Variants in CTNND2 observed in about 807,000 individuals in gnomAD.
The protein encoded by CTNND2 is catenin delta-2.
Under a neutral mutation model 144.4 loss-of-function variants are expected in CTNND2, and 22 were observed. The ratio of observed to expected loss-of-function variants is 0.15; its 90% confidence interval spans 0.11 to 0.22. CTNND2 has a LOEUF of 0.22. CTNND2 is among the 10% of genes least tolerant of loss of function. The pLI, the probability that CTNND2 is intolerant of heterozygous loss-of-function variation, is 1.00. For synonymous variants in CTNND2, 751 were observed against 695.6 expected (o/e 1.08, Z -1.25); for missense variants, 1,353 against 1,618.8 (o/e 0.84, Z 2.82).
intron 1 of CTNND2, among the ~76,000 whole-genome samples, chr5:11,834,101 G>A (rs1056096183): frequency 6.6e-6 from 1 of 152,088 alleles, no homozygotes; most frequent in African/African-American, 2.4e-5. Context: ...GTAGATTGTA[G>A]TAAAGTGCTA....
chr5:11,546,158 T>C (rs1455801348), intron 3 of CTNND2, among the ~76,000 whole-genome samples: 1 of 152,152 alleles, frequency 6.6e-6, no homozygotes, highest in East Asian at 1.9e-4. Flanking sequence ...TGGGGTTTCT[T>C]TTGGTGTGAT....
intron 12 of CTNND2, among the ~76,000 whole-genome samples, chr5:11,120,229 A>G (rs1753948370): frequency 6.6e-6 from 1 of 152,250 alleles, no homozygotes; most frequent in South Asian, 2.1e-4. Flanking sequence ...CACCTATGAT[A>G]TAGACTTCAA....
Position 11,783,321 on chromosome 5 carries a change from G to A in CTNND2, c.38-51049C>T, listed in dbSNP as rs908659550. Among the ~76,000 whole-genome samples the A allele has an allele frequency of 2.0e-5, 3 of 152,022 alleles. No individual in the cohort carries two copies. In the South Asian group the frequency reaches 6.2e-4, roughly 32 times the overall value. On this transcript the variant is annotated intron_variant, in intron 1 of 21. Transcript: ENST00000304623. ...TATGCACTATTATTTCATCTTGACA[G>A]CTCTCCCCATTTGCTACCTGCAATT...
intron 12 of CTNND2, among the ~76,000 whole-genome samples, chr5:11,158,472 C>T (rs773829447): frequency 6.6e-6 from 1 of 152,120 alleles, no homozygotes; most frequent in African/African-American, 2.4e-5. Context: ...GTGACTCAGA[C>T]GAAAAGCAGA....
chr5:11,301,744 T>C (rs893501397), intron 9 of CTNND2, among the ~76,000 whole-genome samples: 1 of 152,262 alleles, frequency 6.6e-6, no homozygotes, highest in Admixed American at 6.5e-5. Context: ...CATACATTTT[T>C]ATACTAAAGT....
rs1745272139 is a variant in CTNND2 at position 11,264,775 on chromosome 5, C to CA, written c.1629-27953dup. Among the ~76,000 whole-genome samples, 5 of 152,140 alleles carry CA rather than the reference C, an allele frequency of 3.3e-5. No homozygotes were observed. In the South Asian group the frequency reaches 1.0e-3, roughly 32 times the overall value. ...GGAAACCCTGTCTGTACTAAAAATA[C>CA]AAAAAATTAGCCAGGCATGATGGAG... On this transcript the variant is annotated intron_variant, in intron 9 of 21. Coordinates refer to ENST00000304623, the MANE Select transcript of CTNND2 (RefSeq NM_001332.4).
At chr5:11,417,264 G>C (rs1762006717) in intron 3 of CTNND2, among the ~76,000 whole-genome samples, 1 of 152,156 alleles carries the variant, frequency 6.6e-6, no homozygotes, top group South Asian at 2.1e-4. Context: ...TGGTTTTCTG[G>C]TTCCAGAGTC....
At chr5:11,167,899 T>G in intron 11 of CTNND2, among the ~76,000 whole-genome samples, 1 of 147,272 alleles carries the variant, frequency 6.8e-6, no homozygotes. Context: ...AGAGACAAGG[T>G]CTTACTATGT....
intron 1 of CTNND2, among the ~76,000 whole-genome samples, chr5:11,765,708 G>C (rs940810257): frequency 6.6e-6 from 1 of 152,116 alleles, no homozygotes; most frequent in Non-Finnish European, 1.5e-5. Flanking sequence ...GAGATGTAGA[G>C]GAGGGGATAA....
At chr5:11,375,758 T>C (rs1405848141) in intron 7 of CTNND2, among the ~76,000 whole-genome samples, 1 of 152,176 alleles carries the variant, frequency 6.6e-6, no homozygotes, top group African/African-American at 2.4e-5. Flanking sequence ...CTAGTGATGT[T>C]AGTGATGCTT....
chr5:11,428,956 T>C (rs1208166485), intron 3 of CTNND2, among the ~76,000 whole-genome samples: 3 of 152,186 alleles, frequency 2.0e-5, no homozygotes, highest in African/African-American at 7.2e-5. Flanking sequence ...GGCAAATCCT[T>C]TTATGAAAAC....
At chr5:11,572,575 T>C (rs1023336729) in intron 2 of CTNND2, among the ~76,000 whole-genome samples, 2 of 152,128 alleles carry the variant, frequency 1.3e-5, no homozygotes, top group African/African-American at 2.4e-5. Flanking sequence ...ATCCTCCTGA[T>C]ACATCCCTCT....
intron 6 of CTNND2, among the ~76,000 whole-genome samples, chr5:11,391,523 A>ATGAAT (rs1759627446): frequency 6.6e-6 from 1 of 152,232 alleles, no homozygotes; most frequent in South Asian, 2.1e-4. Flanking sequence ...CTGGGATGTA[A>ATGAAT]TGAATTTGCT....
In CTNND2 at chr5:11,599,938, CG is replaced by C. The variant is rs1334115668; in HGVS notation, c.175-34883del. 2.6e-5 allele frequency among the ~76,000 whole-genome samples: 4 copies of C among 152,190 alleles called. No individual in the cohort carries two copies. The East Asian group carries it at 7.7e-4, about 29-fold the overall frequency. On this transcript the variant is annotated intron_variant, in intron 2 of 21. Transcript: ENST00000304623. ...AATACTTGGGTTACACTCAGGAATC[CG>C]AGTTAAGAAGTGCCTCCAAAATGCA...
At chr5:11,901,844 T>A (rs577685224) in intron 1 of CTNND2, among the ~76,000 whole-genome samples, 23 of 152,194 alleles carry the variant, frequency 1.5e-4, no homozygotes, top group African/African-American at 5.6e-4. Context: ...TTAAAAATCA[T>A]GTTTAAGAAT....
At chr5:11,340,456 T>C (rs1754136244) in intron 9 of CTNND2, among the ~76,000 whole-genome samples, 1 of 152,154 alleles carries the variant, frequency 6.6e-6, no homozygotes, top group South Asian at 2.1e-4. Context: ...GCAGGCTCCA[T>C]CCTGGGGCCA....
chr5:11,590,046 A>AT (rs1779130016), intron 2 of CTNND2, among the ~76,000 whole-genome samples: 3 of 117,956 alleles, frequency 2.5e-5, no homozygotes, highest in African/African-American at 9.0e-5. Context: ...AGATTTTGTA[A>AT]ATTTTTTTTT....
chr5:11,544,629 C>T (rs1441107873), intron 3 of CTNND2, among the ~76,000 whole-genome samples: 1 of 152,200 alleles, frequency 6.6e-6, no homozygotes, highest in Non-Finnish European at 1.5e-5. Flanking sequence ...TTGATATGTG[C>T]AATTACTAAA....
intron 3 of CTNND2, among the ~76,000 whole-genome samples, chr5:11,470,846 G>C (rs1362491183): frequency 6.6e-6 from 1 of 151,080 alleles, no homozygotes; most frequent in Non-Finnish European, 1.5e-5. Flanking sequence ...TGGAGAGGAA[G>C]ACCACAGAAG....
Sources: gnomAD v4.1 joint callset for allele counts (sites outside exome capture counted in the v4.1 genomes callset) on GRCh38, gnomAD v4.1.1 for gene constraint, MANE v1.5 for transcripts, NCBI Gene and HGNC (gene_info 2026-07-23, HGNC 2026-07-21) for gene names.